The following DACH2 variants were observed in gnomAD, a reference collection of about 807,000 sequenced individuals.
The protein encoded by DACH2 is dachshund homolog 2.
A neutral mutation model predicts 35.8 loss-of-function variants in DACH2; 17 were observed. The ratio of observed to expected loss-of-function variants is 0.48; its 90% CI spans 0.33 to 0.71. The LOEUF (loss-of-function observed/expected upper bound fraction) is 0.71. Ranked by LOEUF, DACH2 falls within the 30% of genes least tolerant of loss-of-function variation. DACH2 has a pLI of 0.02. For synonymous variants in DACH2, 195 were observed against 177.3 expected, an observed-to-expected ratio of 1.10 and a Z score of -0.79; for missense variants, 469 against 472.7, an observed-to-expected ratio of 0.99 and a Z score of 0.07.
chrX:86,535,615 TCACATTGTAA>T (rs755290497), intron 3 of DACH2, among the ~76,000 whole-genome samples: 12 of 110,824 alleles, frequency 1.1e-4, no homozygotes, highest in Admixed American at 3.9e-4. Context: ...TGGTATAGCA[TCACATTGTAA>T]CACCAAAGGT....
At chrX:86,324,872 C>T (rs1478235193) in intron 1 of DACH2, among the ~76,000 whole-genome samples, 4 of 110,285 alleles carry the variant, frequency 3.6e-5, no homozygotes, top group Non-Finnish European at 5.7e-5. Flanking sequence ...TTCAGCAGAT[C>T]CCACCGTGAT....
At chrX:86,295,800 G>T (rs949455965) in intron 1 of DACH2, among the ~76,000 whole-genome samples, 3 of 110,315 alleles carry the variant, frequency 2.7e-5, no homozygotes, top group Non-Finnish European at 5.7e-5. Flanking sequence ...GAGCCAGGGG[G>T]ATTTGGGAGG....
At chrX:86,748,269 C>T (rs1340242853) in intron 7 of DACH2, among the ~76,000 whole-genome samples, 6 of 111,973 alleles carry the variant, frequency 5.4e-5, no homozygotes, top group African/African-American at 1.6e-4. Context: ...TTTGCAATAA[C>T]ATTTAGTATG....
At chrX:86,625,940 C>A (rs772042103) in intron 3 of DACH2, among the ~76,000 whole-genome samples, 4 of 111,223 alleles carry the variant, frequency 3.6e-5, no homozygotes, top group African/African-American at 1.3e-4. Flanking sequence ...TATTATTCCA[C>A]CCCTAGTCCC....
chrX:86,828,215 G>A (rs754697482), intron 11 of DACH2: 1 of 120,471 alleles, frequency 8.3e-6, no homozygotes, highest in Non-Finnish European at 1.7e-5. Context: ...CTTCTTGTCT[G>A]ACCTGGTATT....
chrX:86,397,679 A>G (rs1227413960), intron 2 of DACH2, among the ~76,000 whole-genome samples: 1 of 111,910 alleles, frequency 8.9e-6, no homozygotes, highest in Non-Finnish European at 1.9e-5. Flanking sequence ...TTCTGTTTAT[A>G]TGCTGGATTA....
intron 3 of DACH2, among the ~76,000 whole-genome samples, chrX:86,640,621 G>A (rs1040155255): frequency 5.1e-4 from 56 of 110,656 alleles, no homozygotes; most frequent in Non-Finnish European, 1.3e-4. Flanking sequence ...CACTGAGATC[G>A]CCTAGGAACT....
intron 1 of DACH2, among the ~76,000 whole-genome samples, chrX:86,296,815 G>A (rs1413334532): frequency 9.1e-6 from 1 of 110,188 alleles, no homozygotes; most frequent in Non-Finnish European, 1.9e-5. Context: ...CCATTCTTGA[G>A]AATCCAGGTT....
At chrX:86,347,888 T>G (rs114808051) in intron 1 of DACH2, among the ~76,000 whole-genome samples, 1,125 of 112,127 alleles carry the variant, frequency 0.01, 12 homozygotes, top group African/African-American at 0.035. Context: ...AGAGGAAAAG[T>G]TCCTTATCAT....
chrX:86,741,470 G>T (rs968309260), intron 7 of DACH2, among the ~76,000 whole-genome samples: 1 of 111,776 alleles, frequency 8.9e-6, no homozygotes, highest in Non-Finnish European at 1.9e-5. Flanking sequence ...TTCTTCAAGA[G>T]ATTCTTATAT....
At chrX:86,774,834 G>A (rs190973228) in intron 7 of DACH2, among the ~76,000 whole-genome samples, 3 of 111,997 alleles carry the variant, frequency 2.7e-5, no homozygotes, top group Middle Eastern at 4.6e-3. Context: ...ACACTTGTGC[G>A]TCAGTGATGA....
At position 86,259,691 on chromosome X, in the gene DACH2, A is replaced by C. The variant is rs1486950062; in HGVS notation, c.488+110583A>C. On this transcript the variant is annotated intron_variant, in intron 1 of 11. Transcript: ENST00000373125. The stretch of plus-strand genomic sequence containing the variant: ...AGTGTCTTGCACATAGTAGGAACTA[A>C]AATGTTTGTTCAATTGAAGTGACTT... Among the ~76,000 whole-genome samples the C allele has an allele frequency of 2.7e-5, 3 of 112,074 alleles. No homozygotes were observed. The East Asian group carries it at 8.4e-4, about 31-fold the overall frequency.
chrX:86,570,280 A>G (rs1602657220), intron 3 of DACH2, among the ~76,000 whole-genome samples: 2 of 111,714 alleles, frequency 1.8e-5, no homozygotes, highest in South Asian at 7.5e-4. Flanking sequence ...ACAAAGATAC[A>G]TGCACGTGTA....
At chrX:86,533,337 A>G (rs1016189893) in intron 3 of DACH2, among the ~76,000 whole-genome samples, 7 of 112,152 alleles carry the variant, frequency 6.2e-5, no homozygotes, top group Admixed American at 1.9e-4. Flanking sequence ...AAACTCTTCT[A>G]TGCCCTTTCA....
chrX:86,288,843 T>C (rs2034208682), intron 1 of DACH2, among the ~76,000 whole-genome samples: 3 of 112,198 alleles, frequency 2.7e-5, no homozygotes, highest in South Asian at 7.5e-4. Flanking sequence ...AGTCCTGGAA[T>C]AAGTACTCTC....
chrX:86,683,247 A>T (rs1450971399), intron 4 of DACH2, among the ~76,000 whole-genome samples: 1 of 111,313 alleles, frequency 9.0e-6, no homozygotes. Flanking sequence ...CATATTAAAT[A>T]TTTTGTTCTT....
At chrX:86,607,848 G>C (rs1350942671) in intron 3 of DACH2, among the ~76,000 whole-genome samples, 1 of 103,678 alleles carries the variant, frequency 9.6e-6, no homozygotes, top group Non-Finnish European at 2.0e-5. Context: ...TGCAGTGTTT[G>C]GTTTTTTGTT....
At chrX:86,701,802 G>A (rs1265983967) in intron 5 of DACH2, among the ~76,000 whole-genome samples, 1 of 111,335 alleles carries the variant, frequency 9.0e-6, no homozygotes, top group Non-Finnish European at 1.9e-5. Context: ...CTCAAAAGTG[G>A]GAGCTAAACC....
intron 3 of DACH2, among the ~76,000 whole-genome samples, chrX:86,533,871 T>C (rs968123122): frequency 9.0e-6 from 1 of 111,244 alleles, no homozygotes; most frequent in Non-Finnish European, 1.9e-5. Context: ...GCCAGTGATA[T>C]CTCATGTGAT....
Sources: allele counts gnomAD v4.1 joint callset (sites outside exome capture counted in the v4.1 genomes callset), GRCh38; gene constraint gnomAD v4.1.1; transcripts MANE v1.5; gene names NCBI Gene and HGNC (gene_info 2026-07-23, HGNC 2026-07-21).